Variants in CCDC93 observed in about 807,000 individuals in gnomAD.
CCDC93 encodes CCC complex scaffolding subunit CCDC93.
CCDC93 carries 61 observed loss-of-function variants against 108.2 expected under a neutral mutation model. The observed-to-expected ratio is 0.56, with a 90% confidence interval of 0.46 to 0.70. The LOEUF (loss-of-function observed/expected upper bound fraction) is 0.70, where lower values mean the gene tolerates loss of function less well. Among genes scored for constraint, CCDC93 ranks in the 30% least tolerant of loss-of-function variants. The pLI is 0.00. For missense variants in CCDC93, 685 were observed against 764.2 expected, an observed-to-expected ratio of 0.90 and a Z score of 1.22; for synonymous variants, 276 against 260.4, an observed-to-expected ratio of 1.06 and a Z score of -0.58.
At position 117,920,345 on chromosome 2, in the gene CCDC93, A is replaced by G. The variant is rs1164658578; in HGVS notation, c.1894T>C (p.Ter632ArgextTer10). 2 of 1,611,988 alleles carry G rather than the reference A, an allele frequency of 1.2e-6. No homozygotes were observed. The highest frequency in any genetic ancestry group is 1.7e-5 in the Admixed American group (1 of 59,956). ...CATACAGCCACGGCTGGGGATGTTC[A>G]GGAGGCCTTCGCTTTCACCTTGGAC... The part of the protein sequence containing the change: ...LLSKVKAKAS[*>R] The change falls in exon 24 of 24, where the codon TGA becomes CGA. Residue 632 changes from the stop codon to arginine, a stop_lost. Transcript: ENST00000376300.
At chr2:117,942,608 A>C (rs1039016233) in intron 18 of CCDC93, among the ~76,000 whole-genome samples, 1 of 152,126 alleles carries the variant, frequency 6.6e-6, no homozygotes, top group African/African-American at 2.4e-5. Context: ...CACAAGCCTC[A>C]TGCACTTGTT....
At chr2:117,999,385 T>C (rs1385451523) in intron 4 of CCDC93, 2 of 152,184 alleles carry the variant, frequency 1.3e-5, no homozygotes, top group African/African-American at 4.8e-5. Flanking sequence ...AGCAAATCAA[T>C]TACCTTCTCT....
chr2:117,990,176 CT>C (rs1174304720), intron 6 of CCDC93, among the ~76,000 whole-genome samples: 1 of 152,204 alleles, frequency 6.6e-6, no homozygotes, highest in East Asian at 1.9e-4. Flanking sequence ...CTATGGAGGG[CT>C]GACATCTCAG....
intron 23 of CCDC93, 129 bp downstream of exon 23, chr2:117,930,908 A>C: frequency 1.6e-6 from 1 of 609,872 alleles, no homozygotes. Context: ...CTGCCAGATC[A>C]CACTCTGTCT....
At chr2:117,983,630 TTATATATA>T (rs66879401) in intron 7 of CCDC93, among the ~76,000 whole-genome samples, 336 of 98,406 alleles carry the variant, frequency 3.4e-3, no homozygotes, top group African/African-American at 0.01. Flanking sequence ...CTGCTCAAAA[TTATATATA>T]TATATATATA....
At chr2:117,951,692 G>T in intron 13 of CCDC93, 1 of 1,000,190 alleles carries the variant, frequency 1.0e-6, no homozygotes, top group East Asian at 1.1e-4. Context: ...GTCTGGATGA[G>T]GATAGTTCTC....
At position 117,916,708 on chromosome 2, in the gene CCDC93, T is replaced by C. The variant is rs1174050994; in HGVS notation, c.*3635A>G. 2 of 152,258 alleles carry C rather than the reference T, an allele frequency of 1.3e-5. No individual in the cohort carries two copies. The highest frequency in any genetic ancestry group is 2.9e-5 in the Non-Finnish European group (2 of 68,060). 9.4% of individuals were successfully genotyped at this position (152,258 alleles called of 1,614,324 possible). On this transcript the variant is annotated 3_prime_UTR_variant, in exon 24 of 24. Coordinates refer to ENST00000376300, the MANE Select transcript of CCDC93 (RefSeq NM_019044.5). ...GGCGTGGAACATCCACGGTATTCCC[T>C]GTGTTGTCAAGTATGCTGCAGATCA... is the stretch of plus-strand genomic sequence containing the variant.
chr2:118,003,494 C>T (rs1046988168), intron 3 of CCDC93, among the ~76,000 whole-genome samples: 3 of 152,168 alleles, frequency 2.0e-5, no homozygotes, highest in African/African-American at 7.2e-5. Context: ...TCCTTAGTTA[C>T]ATTTTGGTTC....
At chr2:117,982,268 G>C (rs1336722631) in intron 7 of CCDC93, among the ~76,000 whole-genome samples, 3 of 152,060 alleles carry the variant, frequency 2.0e-5, no homozygotes, top group Non-Finnish European at 4.4e-5. Flanking sequence ...CACATAAAAT[G>C]CATTTCCCCA....
At chr2:117,949,113 G>A (rs1407451454) in intron 14 of CCDC93, among the ~76,000 whole-genome samples, 2 of 152,186 alleles carry the variant, frequency 1.3e-5, no homozygotes. Context: ...GGGGTATTGG[G>A]AAAAAGGTGA....
At chr2:117,955,118 T>A (rs898815174) in intron 12 of CCDC93, among the ~76,000 whole-genome samples, 3 of 152,228 alleles carry the variant, frequency 2.0e-5, no homozygotes, top group African/African-American at 7.2e-5. Flanking sequence ...GTACCTCCCC[T>A]TCATAAGGAT....
At chr2:117,981,222 T>C (rs866013413) in intron 7 of CCDC93, among the ~76,000 whole-genome samples, 1 of 152,238 alleles carries the variant, frequency 6.6e-6, no homozygotes, top group African/African-American at 2.4e-5. Flanking sequence ...TTCACTTCAA[T>C]ATCCCCATTG....
chr2:117,998,252 A>T (rs1372769838), intron 4 of CCDC93: 1 of 152,216 alleles, frequency 6.6e-6, no homozygotes, highest in East Asian at 1.9e-4. Context: ...GGGCTTCTAG[A>T]ATCACATAAG....
At chr2:117,957,414 A>G (rs1226280174) in intron 12 of CCDC93, among the ~76,000 whole-genome samples, 1 of 152,124 alleles carries the variant, frequency 6.6e-6, no homozygotes, top group Non-Finnish European at 1.5e-5. Context: ...CTCTTTTAAA[A>G]ATGATCAAGT....
At chr2:117,925,680 TTAACACCCCA>T (rs1194032116) in intron 23 of CCDC93, among the ~76,000 whole-genome samples, 1 of 152,110 alleles carries the variant, frequency 6.6e-6, no homozygotes, top group Non-Finnish European at 1.5e-5. Flanking sequence ...ATGGGAGACT[TTAACACCCCA>T]CTGTCAACAT....
rs1677664473 is a variant in CCDC93 at position 117,915,806 on chromosome 2, T to C, written c.*4537A>G. On this transcript the variant is annotated 3_prime_UTR_variant, in exon 24 of 24. Transcript: ENST00000376300. ...TGCACACACATACATCTACACACTT[T>C]CTCCATTCCAAACATTAGGATACCA... The C allele has an allele frequency of 6.6e-6, 1 of 152,152 alleles. No individual in the cohort carries two copies. Among genetic ancestry groups the C allele is most frequent in the Non-Finnish European group, 1.5e-5 (1 of 68,024 alleles). 9.4% of individuals were successfully genotyped at this position (152,152 alleles called of 1,614,324 possible). A position where few individuals can be genotyped will look rare whatever the true frequency, so the allele number is the denominator to read the frequency against.
chr2:117,981,895 A>C (rs796601511), intron 7 of CCDC93, among the ~76,000 whole-genome samples: 9 of 152,274 alleles, frequency 5.9e-5, no homozygotes, highest in African/African-American at 1.9e-4. Context: ...ACCTCAGGCC[A>C]AACTAAGATG....
chr2:117,978,466 C>G (rs539380144), intron 7 of CCDC93, among the ~76,000 whole-genome samples: 1 of 152,190 alleles, frequency 6.6e-6, no homozygotes, highest in East Asian at 1.9e-4. Flanking sequence ...CAAACATAAT[C>G]CAAGCATGAT....
chr2:118,004,053 C>A (rs1360447872), intron 3 of CCDC93, among the ~76,000 whole-genome samples: 1 of 152,196 alleles, frequency 6.6e-6, no homozygotes, highest in East Asian at 1.9e-4. Flanking sequence ...GCACTGCTTT[C>A]TTCTCCACTG....
Sources: gnomAD v4.1 joint callset for allele counts (sites outside exome capture counted in the v4.1 genomes callset) on GRCh38, gnomAD v4.1.1 for gene constraint, MANE v1.5 for transcripts, NCBI Gene and HGNC (gene_info 2026-07-23, HGNC 2026-07-21) for gene names.